IMPA2: variants seen among roughly 807,000 people sequenced by gnomAD.
IMPA2 encodes inositol monophosphatase 2, also known as IMP 2.
In IMPA2, 32 loss-of-function variants were observed where a neutral mutation model predicts 35.1. That is an observed-to-expected ratio of 0.91 (90% CI 0.69 to 1.23). The LOEUF (loss-of-function observed/expected upper bound fraction) is 1.23, where lower values mean the gene tolerates loss of function less well. Ranked by LOEUF, IMPA2 falls within the 50% of genes most tolerant of loss-of-function variation. The pLI is 0.00. For missense variants in IMPA2, 334 were observed against 387.6 expected, an observed-to-expected ratio of 0.86 and a Z score of 1.16; for synonymous variants, 135 against 160.6, an observed-to-expected ratio of 0.84 and a Z score of 1.20.
At chr18:12,023,241 C>T (rs1907786137) in intron 5 of IMPA2, among the ~76,000 whole-genome samples, 1 of 152,186 alleles carries the variant, frequency 6.6e-6, no homozygotes, top group Admixed American at 6.5e-5. Context: ...CCTGCCTTCA[C>T]ACAATCACCA....
chr18:12,007,088 C>T (rs974817861), intron 2 of IMPA2, among the ~76,000 whole-genome samples: 4 of 152,022 alleles, frequency 2.6e-5, no homozygotes, highest in African/African-American at 9.7e-5. Flanking sequence ...TGAGATCGCG[C>T]CATTGCACTC....
chr18:12,023,488 T>G (rs1907793055), intron 5 of IMPA2, among the ~76,000 whole-genome samples: 1 of 152,186 alleles, frequency 6.6e-6, no homozygotes, highest in South Asian at 2.1e-4. Flanking sequence ...CCAGGGCACT[T>G]GGTTGGAAGA....
In IMPA2 at chr18:11,991,740, C is replaced by A. The variant is rs1000670840; in HGVS notation, c.97-7314C>A. Among the ~76,000 whole-genome samples, 2 of 152,206 alleles carry A rather than the reference C, an allele frequency of 1.3e-5. No homozygotes were observed. Among genetic ancestry groups the A allele is most frequent in the African/African-American group, 4.8e-5 (2 of 41,448 alleles). Reference sequence around the variant, plus strand: ...TTACTTGGGGGAGGGTCAGCCTTTTCATTCTGTTTGGGCCCTCAGCTGTTG... The same window carrying A: ...TTACTTGGGGGAGGGTCAGCCTTTTAATTCTGTTTGGGCCCTCAGCTGTTG... On this transcript the variant is annotated intron_variant, in intron 1 of 7. Coordinates refer to ENST00000269159, the MANE Select transcript of IMPA2 (RefSeq NM_014214.3). This position sits in a 1 kb window ranked among gnomAD's most constrained non-coding sequence, Gnocchi z 4.1.
At position 12,010,946 on chromosome 18, in the gene IMPA2, C is replaced by G. The variant is rs1027804003; in HGVS notation, c.335+959C>G. ...GTGGAGTCGTGCCATCTGGTGCCAG[C>G]AAATGTGTCACCAATCTCTCCTCTC... is the stretch of plus-strand genomic sequence containing the variant. On this transcript the variant is annotated intron_variant, in intron 3 of 7. Transcript: ENST00000269159. The surrounding 1 kb of genome is among the most constrained non-coding windows in gnomAD (Gnocchi z 4.8). Among the ~76,000 whole-genome samples the G allele has an allele frequency of 6.6e-6, 1 of 152,208 alleles. No individual in the cohort carries two copies. The highest frequency in any genetic ancestry group is 1.9e-4 in the East Asian group (1 of 5,196).
intron 5 of IMPA2, among the ~76,000 whole-genome samples, chr18:12,015,185 T>C (rs1907543807): frequency 6.6e-6 from 1 of 152,196 alleles, no homozygotes; most frequent in African/African-American, 2.4e-5. Flanking sequence ...AGTGCACTGC[T>C]GCTTGTTTCT....
At chr18:11,986,148 T>A (rs1220791230) in intron 1 of IMPA2, among the ~76,000 whole-genome samples, 1 of 152,212 alleles carries the variant, frequency 6.6e-6, no homozygotes. Flanking sequence ...GACCGCAGAC[T>A]TCCCCCTTCT....
intron 1 of IMPA2, among the ~76,000 whole-genome samples, chr18:11,990,118 G>C (rs905127253): frequency 7.2e-5 from 11 of 152,204 alleles, no homozygotes; most frequent in African/African-American, 2.7e-4. Context: ...TTGGTCTCTA[G>C]GCTGAGCCAG....
chr18:12,012,324 T>A, intron 4 of IMPA2, 109 bp downstream of exon 4: 2 of 877,874 alleles, frequency 2.3e-6, no homozygotes, highest in Non-Finnish European at 1.9e-6. Context: ...CCCTGTGCCT[T>A]AATCATGACT....
At chr18:12,016,865 TA>T (rs1907593730) in intron 5 of IMPA2, among the ~76,000 whole-genome samples, 1 of 152,232 alleles carries the variant, frequency 6.6e-6, no homozygotes, top group Non-Finnish European at 1.5e-5. Flanking sequence ...GCACCCAGCA[TA>T]GTGCCTGGGG....
intron 5 of IMPA2, among the ~76,000 whole-genome samples, chr18:12,024,438 C>T (rs536295711): frequency 9.9e-5 from 15 of 152,094 alleles, no homozygotes; most frequent in South Asian, 4.1e-4. Context: ...GAGCTGAGAT[C>T]GCACCATTGC....
chr18:11,992,726 T>C (rs589247), intron 1 of IMPA2, among the ~76,000 whole-genome samples: 59,006 of 151,970 alleles, frequency 0.39, 13,107 homozygotes, highest in East Asian at 0.61. Flanking sequence ...AACTCATTGC[T>C]GGTGGAGTGA....
At chr18:11,985,026 C>G (rs371239187) in intron 1 of IMPA2, among the ~76,000 whole-genome samples, 1 of 149,462 alleles carries the variant, frequency 6.7e-6, no homozygotes, top group Non-Finnish European at 1.5e-5. Context: ...CGCCTGTAAT[C>G]CCTGCTACTA....
At position 11,981,666 on chromosome 18, in the gene IMPA2, C is replaced by G; in HGVS notation, c.-4C>G. 1 of 1,229,052 alleles carries G rather than the reference C, an allele frequency of 8.1e-7. No individual in the cohort carries two copies. Among genetic ancestry groups the G allele is most frequent in the Non-Finnish European group, 1.0e-6 (1 of 985,974 alleles). The allele number at this position is 1,229,052 out of a possible 1,614,324, so 76.1% of individuals were successfully genotyped here. ...TGGAGGTGGAGGGGCCCGGCGAGGC[C>G]GCGATGAAGCCGAGCGGCGAGGACC... On this transcript the variant is annotated 5_prime_UTR_variant, in exon 1 of 8. Transcript: ENST00000269159.
chr18:11,989,625 CAGA>C (rs1300660354), intron 1 of IMPA2, among the ~76,000 whole-genome samples: 1 of 152,188 alleles, frequency 6.6e-6, no homozygotes, highest in Non-Finnish European at 1.5e-5. Flanking sequence ...AAAGCTGTCT[CAGA>C]AGAAGGGGGA....
In IMPA2 at chr18:12,009,770, T is replaced by C. The variant is rs556579613; in HGVS notation, c.231-113T>C. On this transcript the variant is annotated intron_variant, in intron 2 of 7. Transcript: ENST00000269159. ...GCCTCTGTTTGACCCAGAGAAACCA[T>C]GATGACATCTGTTTGCTGTGCCACC... The C allele has an allele frequency of 1.3e-4, 102 of 774,412 alleles. 1 individual carries two copies. In the East Asian group the frequency reaches 2.4e-3, roughly 18 times the overall value. The allele number at this position is 774,412 out of a possible 1,614,324, so 48.0% of individuals were successfully genotyped here.
At chr18:12,007,628 CTTCTTTCT>C (rs71172044) in intron 2 of IMPA2, among the ~76,000 whole-genome samples, 23,653 of 116,398 alleles carry the variant, frequency 0.2, 2,632 homozygotes, top group Non-Finnish European at 0.25. Context: ...CTTTTTCTTT[CTTCTTTCT>C]TTCTTTCTTT....
At chr18:12,005,472 G>A (rs1398635523) in intron 2 of IMPA2, among the ~76,000 whole-genome samples, 7 of 147,174 alleles carry the variant, frequency 4.8e-5, no homozygotes, top group African/African-American at 1.5e-4. Flanking sequence ...CTGACAAAGC[G>A]AGACCATGTC....
intron 2 of IMPA2, among the ~76,000 whole-genome samples, chr18:12,001,327 G>T (rs145809664): frequency 6.6e-6 from 1 of 152,128 alleles, no homozygotes; most frequent in Non-Finnish European, 1.5e-5. Flanking sequence ...GTAACGAGCC[G>T]GCTGTTTCCA....
intron 5 of IMPA2, chr18:12,021,897 T>C (rs941014299): frequency 1.3e-5 from 2 of 152,210 alleles, no homozygotes; most frequent in Non-Finnish European, 2.9e-5. Flanking sequence ...CAGCATACTC[T>C]TAGCATTGCT....
Sources: gnomAD v4.1 joint callset for allele counts (sites outside exome capture counted in the v4.1 genomes callset) on GRCh38, gnomAD v4.1.1 for gene constraint, Gnocchi (gnomAD v3.1) non-coding constraint, MANE v1.5 for transcripts, NCBI Gene and HGNC (gene_info 2026-07-23, HGNC 2026-07-21) for gene names.